The following SYT6 variants were observed in gnomAD, a reference collection of about 807,000 sequenced individuals.
The protein encoded by SYT6 is synaptotagmin-6.
In SYT6, 24 loss-of-function variants were observed where a neutral mutation model predicts 38.4. The ratio of observed to expected loss-of-function variants is 0.62; its 90% CI spans 0.45 to 0.88. The LOEUF (loss-of-function observed/expected upper bound fraction) is 0.88. SYT6 is among the 40% of genes least tolerant of loss of function. SYT6 has a pLI of 0.00. For synonymous variants in SYT6, 265 were observed against 241.9 expected (o/e 1.10, Z -0.89); for missense variants, 611 against 621.0 (o/e 0.98, Z 0.17).
chr1:114,118,825 G>A (rs1191341370), intron 3 of SYT6, among the ~76,000 whole-genome samples: 10 of 152,146 alleles, frequency 6.6e-5, no homozygotes, highest in Admixed American at 2.0e-4. Flanking sequence ...CTGAGGCAAC[G>A]CTTCCTCAAG....
chr1:114,129,935 T>G (rs1678049795), intron 3 of SYT6, among the ~76,000 whole-genome samples: 1 of 151,602 alleles, frequency 6.6e-6, no homozygotes, highest in African/African-American at 2.4e-5. Context: ...TCCTCCTGCC[T>G]CGGCCTCCCG....
At chr1:114,136,928 G>A (rs146630913) in intron 3 of SYT6, among the ~76,000 whole-genome samples, 44 of 152,252 alleles carry the variant, frequency 2.9e-4, no homozygotes, top group East Asian at 2.1e-3. Context: ...TCACTTCTGC[G>A]TGGAAGTTTT....
chr1:114,147,364 A>T (rs1679206814), intron 1 of SYT6, among the ~76,000 whole-genome samples: 1 of 152,368 alleles, frequency 6.6e-6, no homozygotes, highest in East Asian at 1.9e-4. Context: ...TTCTTGAAAA[A>T]TTTCTTGAAA....
rs541802394 is a variant in SYT6, at chr1:114,153,788, G to T, written c.-16C>A. ...CTCCGCTCATGCCCTAGACACCCAG[G>T]CTTGCCGAGCAGCAGCTCGAACCCG... On this transcript the variant is annotated 5_prime_UTR_variant, in exon 1 of 8. Transcript: ENST00000610222. 3.1e-6 allele frequency: 2 copies of T among 652,204 alleles called. No homozygotes were observed. The highest frequency in any genetic ancestry group is 2.4e-5 in the Admixed American group (1 of 42,122). The allele number at this position is 652,204 out of a possible 1,614,324, so 40.4% of individuals were successfully genotyped here. A position where few individuals can be genotyped will look rare whatever the true frequency, so the allele number is the denominator to read the frequency against.
At chr1:114,117,937 G>T (rs1441520309) in intron 3 of SYT6, among the ~76,000 whole-genome samples, 1 of 152,214 alleles carries the variant, frequency 6.6e-6, no homozygotes, top group Non-Finnish European at 1.5e-5. Context: ...GCCTCACAGG[G>T]ATCTAGTGCA....
chr1:114,112,896 T>TGG, intron 3 of SYT6, among the ~76,000 whole-genome samples: 1 of 152,316 alleles, frequency 6.6e-6, no homozygotes, highest in Admixed American at 6.5e-5. Flanking sequence ...TCTCTGCCCC[T>TGG]CGCAGGGCTG....
chr1:114,134,037 G>A (rs914266104), intron 3 of SYT6, among the ~76,000 whole-genome samples: 2 of 152,210 alleles, frequency 1.3e-5, no homozygotes, highest in Non-Finnish European at 2.9e-5. Context: ...CGACTCTCCT[G>A]CACAAACTCA....
At chr1:114,118,184 G>A (rs1317000225) in intron 3 of SYT6, among the ~76,000 whole-genome samples, 3 of 152,168 alleles carry the variant, frequency 2.0e-5, no homozygotes, top group African/African-American at 4.8e-5. Flanking sequence ...TATAAACCAG[G>A]CCCCAGGCCT....
At chr1:114,096,107 G>A (rs1385258725) in intron 6 of SYT6, among the ~76,000 whole-genome samples, 5 of 152,188 alleles carry the variant, frequency 3.3e-5, no homozygotes, top group Non-Finnish European at 7.3e-5. Flanking sequence ...GAGGAGGGGT[G>A]GTGGGGTGGA....
intron 3 of SYT6, among the ~76,000 whole-genome samples, chr1:114,116,339 A>G (rs79821840): frequency 0.1 from 15,668 of 152,216 alleles, 956 homozygotes; most frequent in Non-Finnish European, 0.14. Context: ...CTTGTCCCCA[A>G]CGCGGCAGTT....
At chr1:114,106,873 T>C (rs964988399) in intron 3 of SYT6, among the ~76,000 whole-genome samples, 19 of 152,198 alleles carry the variant, frequency 1.2e-4, no homozygotes, top group African/African-American at 4.6e-4. Flanking sequence ...GAGCCCCTTT[T>C]GGGACAGGGT....
At chr1:114,133,044 TCCCTGCATA>T (rs1056812384) in intron 3 of SYT6, among the ~76,000 whole-genome samples, 4 of 152,104 alleles carry the variant, frequency 2.6e-5, no homozygotes, top group Non-Finnish European at 5.9e-5. Context: ...CCTCCCTTCC[TCCCTGCATA>T]CCCTCAGTCC....
intron 3 of SYT6, among the ~76,000 whole-genome samples, chr1:114,110,828 A>G (rs1386314221): frequency 2.0e-5 from 3 of 152,154 alleles, no homozygotes; most frequent in Non-Finnish European, 4.4e-5. Context: ...CATCTCTGCC[A>G]GATCCTTGCA....
At chr1:114,097,610 G>A (rs1675709482) in intron 6 of SYT6, 117 bp downstream of exon 6, 1 of 1,270,814 alleles carries the variant, frequency 7.9e-7, no homozygotes, top group Non-Finnish European at 1.1e-6. Flanking sequence ...TAAGAAGCAT[G>A]TGGCCCTCAT....
chr1:114,100,143 C>T (rs1330395004), intron 4 of SYT6, among the ~76,000 whole-genome samples: 2 of 152,288 alleles, frequency 1.3e-5, no homozygotes, highest in South Asian at 4.1e-4. Flanking sequence ...TTTCTACTCA[C>T]CCAAGTGAAG....
chr1:114,101,623 A>G (rs562263379), intron 4 of SYT6, among the ~76,000 whole-genome samples: 2 of 152,316 alleles, frequency 1.3e-5, no homozygotes, highest in South Asian at 2.1e-4. Context: ...ATGCCACACA[A>G]TTCAAGAATA....
chr1:114,126,841 G>T (rs975446486), intron 3 of SYT6, among the ~76,000 whole-genome samples: 1 of 152,180 alleles, frequency 6.6e-6, no homozygotes, highest in Non-Finnish European at 1.5e-5. Flanking sequence ...ACAGGGCTGC[G>T]GTCTGGTTGC....
intron 3 of SYT6, among the ~76,000 whole-genome samples, chr1:114,118,824 C>T (rs764860289): frequency 5.9e-5 from 9 of 152,202 alleles, no homozygotes; most frequent in Non-Finnish European, 1.0e-4. Flanking sequence ...GCTGAGGCAA[C>T]GCTTCCTCAA....
intron 3 of SYT6, among the ~76,000 whole-genome samples, chr1:114,105,398 T>C (rs2774282): frequency 0.75 from 107,991 of 143,106 alleles, 40,872 homozygotes; most frequent in East Asian, 0.91. Context: ...CCTGACACCC[T>C]CACCCTCTTT....
Sources: gnomAD v4.1 joint callset for allele counts (sites outside exome capture counted in the v4.1 genomes callset) on GRCh38, gnomAD v4.1.1 for gene constraint, MANE v1.5 for transcripts, NCBI Gene and HGNC (gene_info 2026-07-23, HGNC 2026-07-21) for gene names.